Variants in PARD3B observed in about 807,000 individuals in gnomAD.
The protein encoded by PARD3B is partitioning defective 3 homolog B.
Under a neutral mutation model 130.2 loss-of-function variants are expected in PARD3B, and 103 were observed. That is an observed-to-expected ratio of 0.79 (90% CI 0.67 to 0.93). The LOEUF is 0.93. Among genes scored for constraint, PARD3B ranks in the 40% least tolerant of loss-of-function variants. The pLI is 0.00. For synonymous variants in PARD3B, 583 were observed against 553.2 expected (o/e 1.05, Z -0.76); for missense variants, 1,609 against 1,499.2 (o/e 1.07, Z -1.21).
intron 2 of PARD3B, among the ~76,000 whole-genome samples, chr2:204,703,410 G>T (rs143942159): frequency 1.3e-5 from 2 of 152,194 alleles, no homozygotes; most frequent in African/African-American, 4.8e-5. Context: ...AATGGGAGAG[G>T]TTGGATGGGG....
chr2:205,598,138 T>C (rs1285576917), intron 22 of PARD3B, among the ~76,000 whole-genome samples: 1 of 152,146 alleles, frequency 6.6e-6, no homozygotes, highest in South Asian at 2.1e-4. Flanking sequence ...TTAAATGGGC[T>C]AAACACTCCC....
At chr2:205,195,711 T>C (rs1176251171) in intron 15 of PARD3B, among the ~76,000 whole-genome samples, 2 of 152,232 alleles carry the variant, frequency 1.3e-5, no homozygotes, top group African/African-American at 4.8e-5. Flanking sequence ...ATCTTGATTC[T>C]TTAAAGCGTT....
intron 2 of PARD3B, among the ~76,000 whole-genome samples, chr2:204,953,606 C>A (rs904024568): frequency 2.6e-5 from 4 of 152,074 alleles, no homozygotes; most frequent in African/African-American, 9.7e-5. Context: ...TGCCCCTACA[C>A]TTTTCTTTTT....
chr2:204,940,486 T>G (rs1575368700), intron 2 of PARD3B, among the ~76,000 whole-genome samples: 1 of 152,218 alleles, frequency 6.6e-6, no homozygotes, highest in East Asian at 1.9e-4. Flanking sequence ...GTTTTTTTTT[T>G]TTTTCTCAGT....
intron 18 of PARD3B, among the ~76,000 whole-genome samples, chr2:205,343,181 T>C (rs1278267338): frequency 6.6e-6 from 1 of 152,206 alleles, no homozygotes; most frequent in Non-Finnish European, 1.5e-5. Context: ...CCCAAGTGAC[T>C]AAGTGGATGA....
chr2:204,842,688 A>C (rs949670459), intron 2 of PARD3B, among the ~76,000 whole-genome samples: 1 of 152,212 alleles, frequency 6.6e-6, no homozygotes, highest in South Asian at 2.1e-4. Flanking sequence ...TCTGGAAAAG[A>C]TGATTTTGAA....
intron 18 of PARD3B, among the ~76,000 whole-genome samples, chr2:205,331,892 G>C (rs2043148492): frequency 1.3e-5 from 2 of 151,242 alleles, no homozygotes; most frequent in African/African-American, 4.9e-5. Flanking sequence ...CAGATCACAA[G>C]GTCAGGAGTT....
intron 10 of PARD3B, among the ~76,000 whole-genome samples, chr2:205,156,157 C>T (rs2034117028): frequency 6.8e-6 from 1 of 146,886 alleles, no homozygotes; most frequent in Non-Finnish European, 1.5e-5. Context: ...TAAACTATCG[C>T]AAGGACAAAA....
intron 4 of PARD3B, among the ~76,000 whole-genome samples, chr2:205,056,697 ACT>A (rs1272010072): frequency 1.3e-5 from 2 of 151,966 alleles, no homozygotes; most frequent in Admixed American, 6.6e-5. Context: ...TTCAGACAGA[ACT>A]CTCTACGTTT....
intron 2 of PARD3B, among the ~76,000 whole-genome samples, chr2:204,811,073 T>A (rs1382915259): frequency 1.3e-5 from 2 of 152,172 alleles, no homozygotes; most frequent in African/African-American, 4.8e-5. Context: ...ATCCATCTCT[T>A]CTAGGTTTTC....
intron 4 of PARD3B, among the ~76,000 whole-genome samples, chr2:205,097,325 A>G (rs751069021): frequency 3.0e-4 from 45 of 152,198 alleles, no homozygotes; most frequent in Non-Finnish European, 4.4e-4. Context: ...GTGCACAGAA[A>G]GAACACTGAA....
intron 4 of PARD3B, among the ~76,000 whole-genome samples, chr2:205,086,880 G>T (rs7559302): frequency 0.25 from 37,505 of 152,054 alleles, 5,635 homozygotes; most frequent in East Asian, 0.39. Context: ...TATGGCAATT[G>T]AAAACCAGAT....
At chr2:205,262,477 C>A (rs1485194776) in intron 16 of PARD3B, among the ~76,000 whole-genome samples, 2 of 152,228 alleles carry the variant, frequency 1.3e-5, no homozygotes, top group East Asian at 3.9e-4. Flanking sequence ...AGATTTGGAT[C>A]ATCTCCCAGA....
At chr2:204,554,214 G>T (rs2030753133) in intron 1 of PARD3B, among the ~76,000 whole-genome samples, 1 of 151,860 alleles carries the variant, frequency 6.6e-6, no homozygotes. Context: ...GTCTCCACCT[G>T]TCTCTCTCTG....
chr2:205,417,696 C>G (rs967243226), intron 19 of PARD3B, among the ~76,000 whole-genome samples: 1 of 152,080 alleles, frequency 6.6e-6, no homozygotes, highest in Non-Finnish European at 1.5e-5. Context: ...CCTCATGGCC[C>G]CCAGCCTGAT....
intron 2 of PARD3B, among the ~76,000 whole-genome samples, chr2:204,745,020 A>G (rs1378694904): frequency 6.6e-6 from 1 of 152,146 alleles, no homozygotes; most frequent in Non-Finnish European, 1.5e-5. Flanking sequence ...GTCCTATCTG[A>G]GTAGGGAAGG....
chr2:204,949,795 ATCTT>A (rs1189777388), intron 2 of PARD3B, among the ~76,000 whole-genome samples: 1 of 152,214 alleles, frequency 6.6e-6, no homozygotes, highest in Non-Finnish European at 1.5e-5. Context: ...AATTAAGTCT[ATCTT>A]ATTAGTCAAA....
At chr2:205,137,864 T>A (rs2032619534) in intron 10 of PARD3B, among the ~76,000 whole-genome samples, 1 of 152,210 alleles carries the variant, frequency 6.6e-6, no homozygotes, top group East Asian at 1.9e-4. Context: ...GTAGGGCTCA[T>A]AAGTCTTAAC....
At chr2:205,560,671 C>G (rs562634608) in intron 22 of PARD3B, among the ~76,000 whole-genome samples, 57 of 152,238 alleles carry the variant, frequency 3.7e-4, no homozygotes, top group South Asian at 6.2e-4. Flanking sequence ...CTGCTTGGGC[C>G]ACGTTCGCCT....
Sources: gnomAD v4.1 joint callset for allele counts (sites outside exome capture counted in the v4.1 genomes callset) on GRCh38, gnomAD v4.1.1 for gene constraint, MANE v1.5 for transcripts, NCBI Gene and HGNC (gene_info 2026-07-23, HGNC 2026-07-21) for gene names.